SYNE3: variants seen among roughly 807,000 people sequenced by gnomAD.
SYNE3 encodes the protein spectrin repeat containing nuclear envelope family member 3, also known as nesprin-3.
In SYNE3, 100 loss-of-function variants were observed where a neutral mutation model predicts 111.2. That is an observed-to-expected ratio of 0.90 (90% CI 0.77 to 1.06). The LOEUF (loss-of-function observed/expected upper bound fraction) is 1.06, where lower values mean the gene tolerates loss of function less well. Ranked by LOEUF, SYNE3 falls within the 50% of genes least tolerant of loss-of-function variation. SYNE3 has a pLI of 0.00. For synonymous variants in SYNE3, 547 were observed against 533.9 expected (o/e 1.02, Z -0.34); for missense variants, 1,160 against 1,240.3 (o/e 0.94, Z 0.97).
Position 95,441,320 on chromosome 14 carries a change from C to CCTACCACTG in SYNE3, c.1912-1254_1912-1246dup, listed in dbSNP as rs569392488. On this transcript the variant is annotated intron_variant, in intron 11 of 17. Coordinates refer to ENST00000682763, the MANE Select transcript of SYNE3 (RefSeq NM_152592.6). ...TAAAACTCCACTTCTCTGAGTTGTC[C>CCTACCACTG]CTACCACTGTCCCCTCCTGGTCCCT... Among the ~76,000 whole-genome samples, 704 of 152,284 alleles carry CCTACCACTG rather than the reference C, an allele frequency of 4.6e-3. 3 individuals are homozygous for CCTACCACTG. Among genetic ancestry groups the CCTACCACTG allele is most frequent in the African/African-American group, 0.016 (668 of 41,550 alleles).
rs556700467 is a variant in SYNE3 at position 95,515,687 on chromosome 14, C to T, written c.-15+909G>A. On this transcript the variant is annotated intron_variant, in intron 1 of 17. Coordinates refer to ENST00000682763, the MANE Select transcript of SYNE3 (RefSeq NM_152592.6). ...AGCCCTTGGCTGTAGAAAGCCCCCC[C>T]ACCCAGTGCAGGGATAAGGGTGACC... 6.6e-5 allele frequency among the ~76,000 whole-genome samples: 10 copies of T among 152,364 alleles called. No individual in the cohort carries two copies. The East Asian group carries it at 1.9e-3, about 29-fold the overall frequency.
At chr14:95,501,115 T>G (rs1174824554) in intron 1 of SYNE3, among the ~76,000 whole-genome samples, 1 of 152,256 alleles carries the variant, frequency 6.6e-6, no homozygotes, top group Non-Finnish European at 1.5e-5. Context: ...GCACCACATG[T>G]GCTGGGCCTC....
chr14:95,499,727 G>T (rs1428958758), intron 1 of SYNE3, among the ~76,000 whole-genome samples: 1 of 152,028 alleles, frequency 6.6e-6, no homozygotes, highest in African/African-American at 2.4e-5. Context: ...AAGCAATCCT[G>T]CCCCTTTCTT....
chr14:95,496,151 C>G (rs943661232), intron 1 of SYNE3, among the ~76,000 whole-genome samples: 1 of 152,212 alleles, frequency 6.6e-6, no homozygotes, highest in African/African-American at 2.4e-5. Flanking sequence ...GACCCAATTT[C>G]TCTCCTTTCC....
In SYNE3 at chr14:95,467,678, C is replaced by G. The variant is rs1888272481; in HGVS notation, c.317+117G>C. On this transcript the variant is annotated intron_variant, in intron 3 of 17. Transcript: ENST00000682763. ...CTGGCCCTAATCCCAAGAGAATATCCTGTCCCCCAGAATCCCAGGACTGGA... is the reference window on the plus strand; with the variant it reads ...CTGGCCCTAATCCCAAGAGAATATCGTGTCCCCCAGAATCCCAGGACTGGA... 2.4e-6 allele frequency: 3 copies of G among 1,275,022 alleles called. No homozygotes were observed. In the South Asian group the frequency reaches 4.1e-5, roughly 17 times the overall value. The allele number at this position is 1,275,022 out of a possible 1,614,324, so 79.0% of individuals were successfully genotyped here.
intron 4 of SYNE3, among the ~76,000 whole-genome samples, chr14:95,460,418 A>G (rs1227794474): frequency 1.5e-5 from 2 of 131,472 alleles, no homozygotes; most frequent in Non-Finnish European, 3.1e-5. Context: ...ACGGGGTTTC[A>G]CCATGTTGGC....
At position 95,436,801 on chromosome 14, in the gene SYNE3, C is replaced by T. The variant is rs192178494; in HGVS notation, c.2538+19G>A. 3 of 1,612,760 alleles carry T rather than the reference C, an allele frequency of 1.9e-6. No individual in the cohort carries two copies. Among genetic ancestry groups the T allele is most frequent in the South Asian group, 2.2e-5 (2 of 91,060 alleles). On this transcript the variant is annotated intron_variant, in intron 15 of 17. Transcript: ENST00000682763. Reference sequence around the variant, plus strand: ...GGGTGCAAACCTTATGGATGAGGGACCTTTCCTGGGGAACAGACCTGCAGC... The same window carrying T: ...GGGTGCAAACCTTATGGATGAGGGATCTTTCCTGGGGAACAGACCTGCAGC...
chr14:95,430,159 A>C (rs1885676138), intron 17 of SYNE3, among the ~76,000 whole-genome samples: 1 of 152,314 alleles, frequency 6.6e-6, no homozygotes, highest in East Asian at 1.9e-4. Context: ...TTTAGTGTGC[A>C]CTTACTATGT....
intron 1 of SYNE3, among the ~76,000 whole-genome samples, chr14:95,511,233 C>A (rs550896460): frequency 6.6e-6 from 1 of 152,178 alleles, no homozygotes; most frequent in Non-Finnish European, 1.5e-5. Context: ...GAATCAAGTA[C>A]GCCTGCAAAA....
At chr14:95,499,601 C>T (rs1022557194) in intron 1 of SYNE3, among the ~76,000 whole-genome samples, 5 of 152,136 alleles carry the variant, frequency 3.3e-5, no homozygotes, top group Admixed American at 6.5e-5. Context: ...TTGTACACAT[C>T]AGCTCATTGA....
In SYNE3 at chr14:95,437,006, C is replaced by T. The variant is rs57883787; in HGVS notation, c.2377-25G>A. 5.7e-3 allele frequency: 9,227 copies of T among 1,613,710 alleles called. 407 individuals carry two copies. The African/African-American group carries it at 0.1, about 18-fold the overall frequency. On this transcript the variant is annotated intron_variant, in intron 14 of 17. Transcript: ENST00000682763. ...CCTGTAGGATCACACACGGCCAAAG[C>T]GTCAGAGGTGAAAGAGCCCCCCTGG... is the stretch of plus-strand genomic sequence containing the variant.
In SYNE3 at chr14:95,439,977, C is replaced by T. The variant is rs1304656764; in HGVS notation, c.2010G>A (p.Lys670=). Residue 670 remains lysine (K), a synonymous_variant, in exon 12 of 18, where the codon AAG becomes AAA. Transcript: ENST00000682763. ...CCGCCTCTCCCCGGTGTGCCTCCAG[C>T]TTTTGCGTGGTCACAACGATCCACT... ...LRQWIVVTTQ[K]LEAHRGEAGP... 1 of 1,613,884 alleles carries T rather than the reference C, an allele frequency of 6.2e-7. No homozygotes were observed. The highest frequency in any genetic ancestry group is 8.5e-7 in the Non-Finnish European group (1 of 1,180,040).
At chr14:95,428,028 A>G (rs561188744) in intron 17 of SYNE3, among the ~76,000 whole-genome samples, 1 of 152,352 alleles carries the variant, frequency 6.6e-6, no homozygotes, top group South Asian at 2.1e-4. Context: ...AAAGAAAAGA[A>G]CAGCAACCAA....
At chr14:95,463,892 G>A (rs1398301623) in intron 4 of SYNE3, among the ~76,000 whole-genome samples, 1 of 152,260 alleles carries the variant, frequency 6.6e-6, no homozygotes, top group Admixed American at 6.5e-5. Context: ...ACTGAGAGTA[G>A]AAGTCGTTCT....
chr14:95,446,165 T>A (rs1886707763), intron 8 of SYNE3, 74 bp from the exon 9 acceptor site: 2 of 1,546,240 alleles, frequency 1.3e-6, no homozygotes. Context: ...GGGGCACAAC[T>A]GTTCTGGCTG....
Position 95,466,004 on chromosome 14 carries a change from C to T in SYNE3, c.554G>A (p.Gly185Glu). 1 of 1,610,890 alleles carries T rather than the reference C, an allele frequency of 6.2e-7. No homozygotes were observed. Among genetic ancestry groups the T allele is most frequent in the Non-Finnish European group, 8.5e-7 (1 of 1,177,334 alleles). ...GGCATCTTCGTCCACGCTGGGGTCC[C>T]CGATCCTGTTGAACAGGGAGGCTGC... The part of the protein sequence containing the change: ...EEAASLFNRI[G>E]DPSVDEDAQK... Residue 185 changes from glycine to glutamate, a missense_variant, in exon 4 of 18, where the codon GGG becomes GAG. By Grantham distance (98) the Gly-to-Glu change is moderately conservative. Coordinates refer to ENST00000682763, the MANE Select transcript of SYNE3 (RefSeq NM_152592.6).
chr14:95,513,833 C>T lies in SYNE3; in HGVS notation c.-15+2763G>A, dbSNP rs138352090. On this transcript the variant is annotated intron_variant, in intron 1 of 17. Coordinates refer to ENST00000682763, the MANE Select transcript of SYNE3 (RefSeq NM_152592.6). The stretch of plus-strand genomic sequence containing the variant: ...ACTTAATGAAGACAAGCATCCTGTC[C>T]GGTCAGTACTGTTTTCCCAGTGATG... 2.9e-3 allele frequency among the ~76,000 whole-genome samples: 417 copies of T among 142,838 alleles called. 3 individuals are homozygous for T. The highest frequency in any genetic ancestry group is 0.011 in the African/African-American group (398 of 37,814). The allele number at this position is 142,838 out of a possible 152,430, so 93.7% of individuals were successfully genotyped here. A position where few individuals can be genotyped will look rare whatever the true frequency, so the allele number is the denominator to read the frequency against.
At chr14:95,463,265 G>T (rs997620756) in intron 4 of SYNE3, among the ~76,000 whole-genome samples, 8 of 152,334 alleles carry the variant, frequency 5.3e-5, no homozygotes, top group Admixed American at 3.9e-4. Context: ...AGCTCTCACT[G>T]ATAAGAGCTG....
rs139472965 is a variant in SYNE3, at chr14:95,455,680, C to T, written c.834G>A (p.Thr278=). The change falls in exon 6 of 18, where the codon ACG becomes ACA. Residue 278 remains threonine (T), a synonymous_variant. Coordinates refer to ENST00000682763, the MANE Select transcript of SYNE3 (RefSeq NM_152592.6). ...DFPRGEESLE[T]LEEQSAGVIR... is the part of the protein sequence containing the mutation. ...TGACACCCGCAGACTGCTCCTCCAGCGTCTCCAGAGACTCCTCGCCCCTGG... is the reference window on the plus strand; with the variant it reads ...TGACACCCGCAGACTGCTCCTCCAGTGTCTCCAGAGACTCCTCGCCCCTGG... The T allele has an allele frequency of 2.3e-5, 37 of 1,614,188 alleles. No individual in the cohort carries two copies. The African/African-American group carries it at 2.4e-4, about 10-fold the overall frequency.
Sources: allele counts gnomAD v4.1 joint callset (sites outside exome capture counted in the v4.1 genomes callset), GRCh38; gene constraint gnomAD v4.1.1; transcripts MANE v1.5; gene names NCBI Gene and HGNC (gene_info 2026-07-23, HGNC 2026-07-21).